Variants in AGBL4 observed in about 807,000 individuals in gnomAD.
The protein encoded by AGBL4 is cytosolic carboxypeptidase 6.
A neutral mutation model predicts 66.4 loss-of-function variants in AGBL4; 58 were observed. The observed-to-expected ratio is 0.87, with a 90% CI of 0.71 to 1.09. The LOEUF (loss-of-function observed/expected upper bound fraction) is 1.09, where lower values mean the gene tolerates loss of function less well. AGBL4 is among the 50% of genes least tolerant of loss of function. The pLI, the probability that AGBL4 is intolerant of heterozygous loss-of-function variation, is 0.00. For missense variants in AGBL4, 579 were observed against 631.0 expected (o/e 0.92, Z 0.88); for synonymous variants, 234 against 222.9 (o/e 1.05, Z -0.44).
intron 6 of AGBL4, among the ~76,000 whole-genome samples, chr1:48,844,729 C>G (rs1033733718): frequency 1.4e-4 from 21 of 152,206 alleles, no homozygotes; most frequent in Non-Finnish European, 2.4e-4. Flanking sequence ...TCTCTTGCTT[C>G]TTTGCCTCCA....
At chr1:48,595,960 C>T (rs996214289) in intron 9 of AGBL4, among the ~76,000 whole-genome samples, 2 of 152,144 alleles carry the variant, frequency 1.3e-5, no homozygotes, top group African/African-American at 2.4e-5. Context: ...GGTTTGGAGA[C>T]GCCATGGGGA....
intron 3 of AGBL4, among the ~76,000 whole-genome samples, chr1:49,437,542 G>A (rs577068399): frequency 1.3e-5 from 2 of 152,042 alleles, no homozygotes; most frequent in East Asian, 1.9e-4. Flanking sequence ...AATACCTTAC[G>A]TTTTTACTTG....
At chr1:49,936,735 C>T (rs1307538354) in intron 1 of AGBL4, among the ~76,000 whole-genome samples, 2 of 152,002 alleles carry the variant, frequency 1.3e-5, no homozygotes, top group Non-Finnish European at 2.9e-5. Flanking sequence ...TCCAGCCAAA[C>T]TAAGCTTCAT....
intron 9 of AGBL4, among the ~76,000 whole-genome samples, chr1:48,619,275 C>T (rs1420721764): frequency 6.6e-6 from 1 of 152,218 alleles, no homozygotes; most frequent in Non-Finnish European, 1.5e-5. Context: ...ACAAGAGTTT[C>T]ATCCCTCAGG....
intron 3 of AGBL4, among the ~76,000 whole-genome samples, chr1:49,275,655 G>T (rs1462888128): frequency 6.6e-6 from 1 of 152,076 alleles, no homozygotes; most frequent in Non-Finnish European, 1.5e-5. Flanking sequence ...TAGTATACCT[G>T]TTATTACATT....
chr1:49,714,910 T>A (rs1312109337), intron 2 of AGBL4, among the ~76,000 whole-genome samples: 1 of 152,034 alleles, frequency 6.6e-6, no homozygotes, highest in African/African-American at 2.4e-5. Context: ...ATAACCATTC[T>A]CTTTTCTATG....
At chr1:49,634,278 T>A (rs1645628832) in intron 3 of AGBL4, among the ~76,000 whole-genome samples, 1 of 152,182 alleles carries the variant, frequency 6.6e-6, no homozygotes, top group South Asian at 2.1e-4. Flanking sequence ...GTGTTCTCAC[T>A]GTTCAACTCC....
At chr1:48,943,758 TTTGTTG>T (rs61662632) in intron 5 of AGBL4, among the ~76,000 whole-genome samples, 71 of 151,194 alleles carry the variant, frequency 4.7e-4, no homozygotes, top group African/African-American at 1.7e-3. Flanking sequence ...TGGGTGGTTG[TTTGTTG>T]TTGTTGTTGT....
intron 3 of AGBL4, chr1:49,469,986 C>G (rs1646709546): frequency 6.6e-6 from 1 of 151,688 alleles, no homozygotes; most frequent in South Asian, 2.1e-4. Context: ...ATTCAATATC[C>G]CCTAGTCTCA....
At chr1:49,933,405 G>A (rs1389703631) in intron 1 of AGBL4, among the ~76,000 whole-genome samples, 3 of 151,814 alleles carry the variant, frequency 2.0e-5, no homozygotes, top group Non-Finnish European at 4.4e-5. Context: ...AAATGCTAAG[G>A]GAATTCAACA....
At chr1:48,739,485 A>C (rs1649575621) in intron 6 of AGBL4, among the ~76,000 whole-genome samples, 1 of 152,198 alleles carries the variant, frequency 6.6e-6, no homozygotes, top group African/African-American at 2.4e-5. Flanking sequence ...TCTACACTAC[A>C]AAATTCCGGA....
intron 6 of AGBL4, among the ~76,000 whole-genome samples, chr1:48,846,998 C>A (rs1308013480): frequency 1.3e-5 from 2 of 150,866 alleles, no homozygotes; most frequent in African/African-American, 2.5e-5. Context: ...AAAACAAAAA[C>A]AAAAACAAAA....
intron 5 of AGBL4, among the ~76,000 whole-genome samples, chr1:49,009,271 A>T (rs1159911429): frequency 2.0e-5 from 3 of 152,318 alleles, no homozygotes; most frequent in South Asian, 2.1e-4. Flanking sequence ...TAAACTAAAA[A>T]ATCTAGAAGA....
chr1:49,610,765 C>T (rs941456312), intron 3 of AGBL4, among the ~76,000 whole-genome samples: 5 of 151,996 alleles, frequency 3.3e-5, no homozygotes, highest in Admixed American at 6.6e-5. Context: ...GAACTGTGAG[C>T]GATAAATATC....
intron 1 of AGBL4, chr1:49,995,248 C>A (rs988952187): frequency 2.2e-6 from 1 of 455,734 alleles, no homozygotes. Flanking sequence ...AGGCTTGGAG[C>A]CTGAGACAAG....
chr1:49,374,522 G>A (rs1452885153), intron 3 of AGBL4, among the ~76,000 whole-genome samples: 1 of 152,026 alleles, frequency 6.6e-6, no homozygotes, highest in Non-Finnish European at 1.5e-5. Context: ...TTAACACTCA[G>A]GAAACATTCC....
chr1:49,902,301 A>C (rs1649834919), intron 1 of AGBL4, among the ~76,000 whole-genome samples: 1 of 152,236 alleles, frequency 6.6e-6, no homozygotes, highest in African/African-American at 2.4e-5. Flanking sequence ...AAAGTCTGAT[A>C]TCCAGAATCT....
chr1:49,215,214 T>G (rs1648992055), intron 4 of AGBL4, among the ~76,000 whole-genome samples: 1 of 152,154 alleles, frequency 6.6e-6, no homozygotes, highest in Non-Finnish European at 1.5e-5. Flanking sequence ...GTGGGAGTTT[T>G]GCCTTGTTTG....
At chr1:49,496,236 CT>C (rs967941008) in intron 3 of AGBL4, among the ~76,000 whole-genome samples, 20 of 151,712 alleles carry the variant, frequency 1.3e-4, no homozygotes, top group South Asian at 4.2e-4. Flanking sequence ...AAAATGGAGT[CT>C]TTTTTTTCAA....
Sources: gnomAD v4.1 joint callset for allele counts (sites outside exome capture counted in the v4.1 genomes callset) on GRCh38, gnomAD v4.1.1 for gene constraint, MANE v1.5 for transcripts, NCBI Gene and HGNC (gene_info 2026-07-23, HGNC 2026-07-21) for gene names.